TRPM3: variants seen among roughly 807,000 people sequenced by gnomAD.
TRPM3 encodes the protein long transient receptor potential channel 3.
Under a neutral mutation model 181.2 loss-of-function variants are expected in TRPM3, and 77 were observed. The observed-to-expected ratio is 0.42, with a 90% CI of 0.35 to 0.51. The LOEUF is 0.51. Among genes scored for constraint, TRPM3 ranks in the 20% least tolerant of loss-of-function variants. The pLI is 0.01. For synonymous variants in TRPM3, 745 were observed against 796.4 expected, an observed-to-expected ratio of 0.94 and a Z score of 1.09; for missense variants, 1,759 against 2,196.7, an observed-to-expected ratio of 0.80 and a Z score of 3.98.
chr9:71,438,529 A>G (rs912671492), intron 1 of TRPM3, among the ~76,000 whole-genome samples: 1 of 151,810 alleles, frequency 6.6e-6, no homozygotes, highest in Non-Finnish European at 1.5e-5. Context: ...AAAAATTAGC[A>G]GGGTGTGGTG....
At chr9:71,232,564 G>T (rs1019984897) in intron 1 of TRPM3, among the ~76,000 whole-genome samples, 2 of 136,836 alleles carry the variant, frequency 1.5e-5, no homozygotes, top group Non-Finnish European at 3.0e-5. Flanking sequence ...GCGGTGGCAC[G>T]ATCTCCACTC....
In TRPM3 at chr9:70,636,130, G is replaced by A. The variant is rs567874395; in HGVS notation, c.1582-869C>T. Reference sequence around the variant, plus strand: ...ACTGAAACTGTTCAACTCTGCTGTTGTAATGTGCAAGTAGCCATAGATCAT... The same window carrying A: ...ACTGAAACTGTTCAACTCTGCTGTTATAATGTGCAAGTAGCCATAGATCAT... On this transcript the variant is annotated intron_variant, in intron 11 of 25. Transcript: ENST00000677713. Among the ~76,000 whole-genome samples the A allele has an allele frequency of 2.6e-5, 4 of 152,326 alleles. No individual in the cohort carries two copies. In the South Asian group the frequency reaches 8.3e-4, roughly 32 times the overall value.
chr9:71,419,269 T>C (rs1195228063), intron 1 of TRPM3, among the ~76,000 whole-genome samples: 1 of 151,854 alleles, frequency 6.6e-6, no homozygotes, highest in African/African-American at 2.4e-5. Context: ...TATTTGTTTA[T>C]TCTGAAAGCC....
chr9:70,982,383 G>T (rs929116609), intron 1 of TRPM3, among the ~76,000 whole-genome samples: 1 of 152,088 alleles, frequency 6.6e-6, no homozygotes, highest in Non-Finnish European at 1.5e-5. Flanking sequence ...GGACCCTCTT[G>T]AAAATGACAA....
At chr9:71,382,468 A>C (rs1251989890) in intron 1 of TRPM3, among the ~76,000 whole-genome samples, 1 of 152,146 alleles carries the variant, frequency 6.6e-6, no homozygotes, top group Non-Finnish European at 1.5e-5. Flanking sequence ...TTCTTACTCT[A>C]GGTACAGTGG....
At chr9:70,600,010 G>T (rs564390941) in intron 20 of TRPM3, among the ~76,000 whole-genome samples, 2 of 152,314 alleles carry the variant, frequency 1.3e-5, no homozygotes, top group Non-Finnish European at 2.9e-5. Flanking sequence ...ACTGACTGTT[G>T]TGTAGGCACT....
At chr9:71,026,637 C>G (rs2056551235) in intron 1 of TRPM3, among the ~76,000 whole-genome samples, 1 of 152,138 alleles carries the variant, frequency 6.6e-6, no homozygotes. Flanking sequence ...TAGCCATTGC[C>G]ATGGGAGCAC....
Position 70,625,240 on chromosome 9 carries a change from G to A in TRPM3, c.1760C>T (p.Thr587Met). The A allele has an allele frequency of 1.2e-6, 2 of 1,614,134 alleles. No homozygotes were observed. Among genetic ancestry groups the A allele is most frequent in the Non-Finnish European group, 1.7e-6 (2 of 1,180,030 alleles). The change falls in exon 14 of 26, where the codon ACG (threonine) becomes ATG (methionine). Residue 587 changes from threonine (T) to methionine (M), a missense_variant. Physicochemically the swap from Thr to Met is moderately conservative, Grantham distance 81. Coordinates refer to ENST00000677713, the MANE Select transcript of TRPM3 (RefSeq NM_001366145.2). The surrounding 1 kb of genome is among the most constrained non-coding windows in gnomAD (Gnocchi z 4.8). ...GTAGAGGGTCCGGAAGCGCTTGCGCGTGTAGTTGCAGCGATAAGCCCCGCC... is the reference window on the plus strand; with the variant it reads ...GTAGAGGGTCCGGAAGCGCTTGCGCATGTAGTTGCAGCGATAAGCCCCGCC... ...LMGGAYRCNY[T>M]RKRFRTLYHN...
intron 1 of TRPM3, among the ~76,000 whole-genome samples, chr9:71,115,922 A>G (rs1244169113): frequency 1.3e-5 from 2 of 152,184 alleles, no homozygotes; most frequent in Non-Finnish European, 2.9e-5. Flanking sequence ...CGAAGCCACC[A>G]TTTGATACAC....
chr9:71,142,104 G>C (rs1229703749), intron 1 of TRPM3, among the ~76,000 whole-genome samples: 1 of 152,106 alleles, frequency 6.6e-6, no homozygotes, highest in Non-Finnish European at 1.5e-5. Flanking sequence ...GTTGAATAGG[G>C]TCAAGAATAA....
intron 3 of TRPM3, among the ~76,000 whole-genome samples, chr9:70,858,101 A>T (rs1051017121): frequency 1.3e-5 from 2 of 152,140 alleles, no homozygotes; most frequent in Non-Finnish European, 2.9e-5. Context: ...AGTGTCTCAT[A>T]TTATGTCCAG....
At chr9:71,143,181 C>T (rs1202420424) in intron 1 of TRPM3, among the ~76,000 whole-genome samples, 1 of 150,096 alleles carries the variant, frequency 6.7e-6, no homozygotes, top group Non-Finnish European at 1.5e-5. Flanking sequence ...AGAACTTTGT[C>T]CCATTAAATA....
chr9:71,280,633 G>A (rs923725696), intron 1 of TRPM3, among the ~76,000 whole-genome samples: 6 of 152,222 alleles, frequency 3.9e-5, no homozygotes, highest in Non-Finnish European at 2.9e-5. Context: ...TGAAGAAACA[G>A]ATTCAGACCA....
At chr9:71,080,535 G>A (rs2064141773) in intron 1 of TRPM3, among the ~76,000 whole-genome samples, 1 of 152,124 alleles carries the variant, frequency 6.6e-6, no homozygotes, top group African/African-American at 2.4e-5. Flanking sequence ...CTGTGTTTGA[G>A]GGATGATAGG....
At chr9:70,549,774 G>T in intron 24 of TRPM3, 100 bp from the exon 25 acceptor site, 1 of 1,258,126 alleles carries the variant, frequency 7.9e-7, no homozygotes, top group Non-Finnish European at 1.1e-6. Flanking sequence ...ATCTAGGTGG[G>T]AAAAGGGGCC....
chr9:70,880,589 C>A (rs1041033896), intron 1 of TRPM3, among the ~76,000 whole-genome samples: 3 of 152,004 alleles, frequency 2.0e-5, no homozygotes, highest in Admixed American at 6.6e-5. Flanking sequence ...GTTGTGTGCA[C>A]CCTGGCCAGG....
chr9:70,975,129 A>G (rs1014705314), intron 1 of TRPM3, among the ~76,000 whole-genome samples: 1 of 152,006 alleles, frequency 6.6e-6, no homozygotes, highest in Admixed American at 6.5e-5. Flanking sequence ...CAGACTTTCA[A>G]TGTGCCGGGA....
At chr9:71,212,151 CTGT>C (rs112715636) in intron 1 of TRPM3, among the ~76,000 whole-genome samples, 2,846 of 152,172 alleles carry the variant, frequency 0.019, 96 homozygotes, top group African/African-American at 0.066. Flanking sequence ...GGGTATCACC[CTGT>C]TGCTCAGGCT....
At chr9:70,757,739 T>C (rs1191471816) in intron 8 of TRPM3, among the ~76,000 whole-genome samples, 3 of 152,176 alleles carry the variant, frequency 2.0e-5, no homozygotes, top group Non-Finnish European at 2.9e-5. Flanking sequence ...CACATGATTA[T>C]CTCAATAGAT....
Sources: gnomAD v4.1 joint callset for allele counts (sites outside exome capture counted in the v4.1 genomes callset) on GRCh38, gnomAD v4.1.1 for gene constraint, Gnocchi (gnomAD v3.1) non-coding constraint, MANE v1.5 for transcripts, NCBI Gene and HGNC (gene_info 2026-07-23, HGNC 2026-07-21) for gene names.